The following PRELID2 variants were observed in gnomAD, a reference collection of about 807,000 sequenced individuals.
The protein encoded by PRELID2 is PRELI domain-containing protein 2.
PRELID2 carries 25 observed loss-of-function variants against 28.4 expected under a neutral mutation model. That is an observed-to-expected ratio of 0.88 (90% CI 0.64 to 1.23). The LOEUF (loss-of-function observed/expected upper bound fraction) is 1.23, where lower values mean the gene tolerates loss of function less well. Ranked by LOEUF, PRELID2 falls within the 50% of genes most tolerant of loss-of-function variation. PRELID2 has a pLI of 0.00. For missense variants in PRELID2, 201 were observed against 214.4 expected (o/e 0.94, Z 0.39); for synonymous variants, 76 against 71.6 (o/e 1.06, Z -0.31).
intron 1 of PRELID2, among the ~76,000 whole-genome samples, chr5:145,629,806 C>CGTTGCCTGTTCACTCTGATG (rs1753907271): frequency 2.0e-5 from 3 of 151,878 alleles, no homozygotes; most frequent in African/African-American, 7.3e-5. Flanking sequence ...ATGCCTCCTT[C>CGTTGCCTGTTCACTCTGATG]GTAATGCTTT....
intron 1 of PRELID2, among the ~76,000 whole-genome samples, chr5:145,547,626 G>C (rs1029446499): frequency 3.9e-5 from 6 of 152,086 alleles, no homozygotes. Context: ...TGTCTGATAA[G>C]ATTTTTGTAC....
At chr5:145,430,704 T>C in the PRELID2 span, among the ~76,000 whole-genome samples, 3 of 152,208 alleles carry the variant, frequency 2.0e-5, no homozygotes, top group Non-Finnish European at 4.4e-5. Context: ...GTGGTATATA[T>C]CCTCGCCCAG....
intron 4 of PRELID2, among the ~76,000 whole-genome samples, chr5:145,806,880 T>A (rs1753552188): frequency 6.6e-6 from 1 of 152,180 alleles, no homozygotes; most frequent in Non-Finnish European, 1.5e-5. Context: ...TAATTGTAAG[T>A]TTCCTGAGGC....
At position 145,756,876 on chromosome 5, in the gene PRELID2, G is replaced by A. The variant is rs1238802673; in HGVS notation, c.*3660C>T. 1.3e-5 allele frequency among the ~76,000 whole-genome samples: 2 copies of A among 152,042 alleles called. No homozygotes were observed. Among genetic ancestry groups the A allele is most frequent in the South Asian group, 2.1e-4 (1 of 4,824 alleles). ...AGATAAATGACAGATAAAAGTGAGGGAAAAGAAAAACTCTAAAAACCATGG... is the reference window on the plus strand; with the variant it reads ...AGATAAATGACAGATAAAAGTGAGGAAAAAGAAAAACTCTAAAAACCATGG... On this transcript the variant is annotated 3_prime_UTR_variant, in exon 7 of 7. Coordinates refer to ENST00000683046, the MANE Select transcript of PRELID2 (RefSeq NM_205846.3).
At chr5:145,771,238 A>T (rs1040881448) in intron 5 of PRELID2, among the ~76,000 whole-genome samples, 8 of 152,148 alleles carry the variant, frequency 5.3e-5, no homozygotes, top group African/African-American at 1.9e-4. Context: ...AGTACAGTAC[A>T]TGAGTACAGA....
At chr5:145,289,854 G>A in the PRELID2 span, among the ~76,000 whole-genome samples, 1 of 152,084 alleles carries the variant, frequency 6.6e-6, no homozygotes, top group Non-Finnish European at 1.5e-5. Context: ...AATGATAAAT[G>A]ACATTGAGCA....
At chr5:145,375,412 T>G in the PRELID2 span, among the ~76,000 whole-genome samples, 1 of 152,266 alleles carries the variant, frequency 6.6e-6, no homozygotes, top group South Asian at 2.1e-4. Context: ...CATTCCTGTA[T>G]AGGGTGTCTG....
the PRELID2 span, among the ~76,000 whole-genome samples, chr5:145,388,846 A>G: frequency 6.6e-6 from 1 of 152,068 alleles, no homozygotes; most frequent in East Asian, 1.9e-4. Flanking sequence ...ATCATTCTCC[A>G]TCATGATTTT....
the PRELID2 span, among the ~76,000 whole-genome samples, chr5:145,278,529 T>C: frequency 4.3e-4 from 66 of 152,254 alleles, 1 homozygote; most frequent in South Asian, 8.9e-3. Flanking sequence ...GTCCTCTCCA[T>C]AGACAGCCCA....
chr5:145,343,501 G>A, the PRELID2 span, among the ~76,000 whole-genome samples: 3 of 151,404 alleles, frequency 2.0e-5, no homozygotes, highest in African/African-American at 7.3e-5. Flanking sequence ...GTCAAAACCT[G>A]TGAGATACAA....
chr5:145,747,269 T>A (rs538705415), intron 1 of PRELID2, among the ~76,000 whole-genome samples: 48 of 137,736 alleles, frequency 3.5e-4, no homozygotes, highest in African/African-American at 1.1e-3. Flanking sequence ...AAAAAAAAAA[T>A]TAACAAAATA....
intron 1 of PRELID2, among the ~76,000 whole-genome samples, chr5:145,563,832 G>GT (rs1752943546): frequency 2.0e-5 from 3 of 152,168 alleles, no homozygotes; most frequent in Non-Finnish European, 2.9e-5. Flanking sequence ...CATACAATGA[G>GT]TAAGTCTAGA....
chr5:145,483,458 G>C (rs1752185123), intron 1 of PRELID2, among the ~76,000 whole-genome samples: 1 of 152,214 alleles, frequency 6.6e-6, no homozygotes, highest in Non-Finnish European at 1.5e-5. Context: ...GCTAGCCACA[G>C]TCCTAAGACC....
chr5:145,298,693 T>G, the PRELID2 span, among the ~76,000 whole-genome samples: 60,439 of 151,930 alleles, frequency 0.4, 12,950 homozygotes, highest in African/African-American at 0.56. Context: ...ATGCCAGGCT[T>G]GACTTCCCAG....
At chr5:145,618,156 A>C (rs982881677) in intron 1 of PRELID2, among the ~76,000 whole-genome samples, 1 of 152,136 alleles carries the variant, frequency 6.6e-6, no homozygotes, top group African/African-American at 2.4e-5. Flanking sequence ...TAGCCTAATA[A>C]CCAACCTCCT....
At chr5:145,790,548 T>G (rs1752301485) in intron 5 of PRELID2, among the ~76,000 whole-genome samples, 1 of 151,990 alleles carries the variant, frequency 6.6e-6, no homozygotes, top group Admixed American at 6.6e-5. Flanking sequence ...AATAAGTTTT[T>G]AGATCTATTG....
At chr5:145,577,426 CAG>C (rs1753070102) in intron 1 of PRELID2, among the ~76,000 whole-genome samples, 1 of 151,656 alleles carries the variant, frequency 6.6e-6, no homozygotes, top group South Asian at 2.1e-4. Flanking sequence ...GAAAATCAAA[CAG>C]AAATTCCAGA....
At chr5:145,802,917 C>G (rs1199148333) in intron 4 of PRELID2, among the ~76,000 whole-genome samples, 1 of 152,162 alleles carries the variant, frequency 6.6e-6, no homozygotes, top group Non-Finnish European at 1.5e-5. Context: ...GTCACCAGTG[C>G]TGAATCCTCA....
chr5:145,547,093 T>C (rs1354614714), intron 1 of PRELID2, among the ~76,000 whole-genome samples: 1 of 152,212 alleles, frequency 6.6e-6, no homozygotes, highest in Non-Finnish European at 1.5e-5. Flanking sequence ...AGGAGACTTC[T>C]TCAAACAAGA....
Sources: gnomAD v4.1 joint callset for allele counts (sites outside exome capture counted in the v4.1 genomes callset) on GRCh38, gnomAD v4.1.1 for gene constraint, MANE v1.5 for transcripts, NCBI Gene and HGNC (gene_info 2026-07-23, HGNC 2026-07-21) for gene names.